ACP3: variants seen among roughly 807,000 people sequenced by gnomAD.
ACP3 encodes prostatic acid phosphatase.
Under a neutral mutation model 45.6 loss-of-function variants are expected in ACP3, and 38 were observed. That is an observed-to-expected ratio of 0.83 (90% CI 0.64 to 1.09). ACP3 has a LOEUF of 1.09. ACP3 is among the 50% of genes least tolerant of loss of function. The pLI is 0.00. For synonymous variants in ACP3, 162 were observed against 164.7 expected, an observed-to-expected ratio of 0.98 and a Z score of 0.13; for missense variants, 466 against 463.2, an observed-to-expected ratio of 1.01 and a Z score of -0.05.
intron 7 of ACP3, among the ~76,000 whole-genome samples, chr3:132,346,040 T>C (rs1176645207): frequency 6.6e-6 from 1 of 152,168 alleles, no homozygotes; most frequent in Non-Finnish European, 1.5e-5. Flanking sequence ...ATTTTGAGAT[T>C]AATACAATCA....
intron 6 of ACP3, among the ~76,000 whole-genome samples, chr3:132,344,179 G>A (rs1244607490): frequency 2.0e-5 from 3 of 151,724 alleles, no homozygotes; most frequent in Non-Finnish European, 2.9e-5. Flanking sequence ...TCGGGAGGCT[G>A]AGGCAAGAGA....
At chr3:132,331,986 A>G (rs1937406647) in intron 3 of ACP3, among the ~76,000 whole-genome samples, 1 of 152,208 alleles carries the variant, frequency 6.6e-6, no homozygotes, top group African/African-American at 2.4e-5. Context: ...TCATTTGTCA[A>G]TTCAACTATT....
At chr3:132,346,533 G>T (rs1435187991) in intron 7 of ACP3, among the ~76,000 whole-genome samples, 1 of 152,214 alleles carries the variant, frequency 6.6e-6, no homozygotes, top group Non-Finnish European at 1.5e-5. Context: ...CCAGAGAGGA[G>T]TCTTAGATGG....
intron 5 of ACP3, among the ~76,000 whole-genome samples, chr3:132,338,307 A>G (rs865854078): frequency 6.6e-6 from 1 of 151,178 alleles, no homozygotes; most frequent in Non-Finnish European, 1.5e-5. Context: ...TTAAGAAAAT[A>G]TATTGGAAAT....
intron 1 of ACP3, among the ~76,000 whole-genome samples, chr3:132,321,152 A>ATT (rs1423952626): frequency 6.6e-6 from 1 of 152,064 alleles, no homozygotes; most frequent in Non-Finnish European, 1.5e-5. Flanking sequence ...ACAACAGGGA[A>ATT]AAACCCTGTC....
At chr3:132,342,377 A>C (rs1937561752) in intron 5 of ACP3, among the ~76,000 whole-genome samples, 175 bp from the exon 6 acceptor site, 1 of 152,212 alleles carries the variant, frequency 6.6e-6, no homozygotes, top group Admixed American at 6.5e-5. Flanking sequence ...GGGTTATACA[A>C]GTGGGAGATT....
At chr3:132,339,821 A>G (rs1284481660) in intron 5 of ACP3, among the ~76,000 whole-genome samples, 1 of 151,432 alleles carries the variant, frequency 6.6e-6, no homozygotes, top group Non-Finnish European at 1.5e-5. Context: ...TTAAATTTTA[A>G]CTCCCTCCCC....
rs35270483 is a variant in ACP3 at position 132,352,361 on chromosome 3, CT to C, written c.865-343del. ...TACAGGCCCATGCCACCACACCCAG[CT>C]TTTTTTTTTTTTTTTAGTAGGGATG... is the stretch of plus-strand genomic sequence containing the variant. On this transcript the variant is annotated intron_variant, in intron 8 of 9. Transcript: ENST00000336375. Among the ~76,000 whole-genome samples, 1,305 of 135,584 alleles carry C rather than the reference CT, an allele frequency of 9.6e-3. 16 individuals carry two copies. Among genetic ancestry groups the C allele is most frequent in the African/African-American group, 0.031 (1,113 of 36,452 alleles). The allele number at this position is 135,584 out of a possible 152,430, so 88.9% of individuals were successfully genotyped here.
downstream of ACP3, among the ~76,000 whole-genome samples, chr3:132,359,448 C>T (rs1937997392): frequency 6.6e-6 from 1 of 152,076 alleles, no homozygotes; most frequent in African/African-American, 2.4e-5. Context: ...GCGGAACTTG[C>T]AGTGAGCCGA....
chr3:132,323,245 G>T (rs56158166), intron 1 of ACP3, among the ~76,000 whole-genome samples: 16,897 of 151,788 alleles, frequency 0.11, 1,142 homozygotes, highest in Non-Finnish European at 0.15. Context: ...GAAATGAGAA[G>T]ATTGGAAAGA....
chr3:132,363,615 A>G (rs564816467), downstream of ACP3, among the ~76,000 whole-genome samples: 1 of 152,212 alleles, frequency 6.6e-6, no homozygotes, highest in South Asian at 2.1e-4. Flanking sequence ...CCACCATCCT[A>G]TCTTTTCCAC....
At chr3:132,329,750 T>C (rs1028912109) in intron 2 of ACP3, among the ~76,000 whole-genome samples, 1 of 152,120 alleles carries the variant, frequency 6.6e-6, no homozygotes. Context: ...AATGAATCAC[T>C]TGGGAATCTT....
In ACP3 at chr3:132,352,731, T is replaced by G. The variant is rs576119547; in HGVS notation, c.876T>G (p.Thr292=). 2 of 1,612,130 alleles carry G rather than the reference T, an allele frequency of 1.2e-6. No homozygotes were observed. Among genetic ancestry groups the G allele is most frequent in the African/African-American group, 2.7e-5 (2 of 75,002 alleles). ...KLIMYSAHDT[T]VSGLQMALDV... ...TTCAATCTCTGTAGCATGACACTAC[T>G]GTGAGTGGCCTACAGATGGCGCTAG... Residue 292 remains threonine (T), a synonymous_variant, in exon 9 of 10, where the codon ACT becomes ACG. Transcript: ENST00000336375.
intron 1 of ACP3, among the ~76,000 whole-genome samples, chr3:132,321,155 A>AC (rs1937200623): frequency 6.6e-6 from 1 of 151,580 alleles, no homozygotes; most frequent in South Asian, 2.1e-4. Context: ...ACAGGGAAAA[A>AC]CCCTGTCGCT....
chr3:132,359,246 C>G (rs1042322682), downstream of ACP3, among the ~76,000 whole-genome samples: 2 of 152,224 alleles, frequency 1.3e-5, no homozygotes, highest in Non-Finnish European at 2.9e-5. Flanking sequence ...GGCGAGGTGG[C>G]TCAGGCCTGT....
At chr3:132,346,798 G>A (rs1937614400) in intron 7 of ACP3, among the ~76,000 whole-genome samples, 1 of 152,162 alleles carries the variant, frequency 6.6e-6, no homozygotes, top group Non-Finnish European at 1.5e-5. Context: ...CAGGCACCTA[G>A]TCCCTCACAA....
chr3:132,358,994 T>G (rs970607984), downstream of ACP3: 2 of 687,332 alleles, frequency 2.9e-6, no homozygotes, highest in African/African-American at 3.9e-5. Context: ...TGTGGATGGC[T>G]CTGCCTCATC....
At chr3:132,350,214 T>C (rs1281334537) in intron 8 of ACP3, among the ~76,000 whole-genome samples, 2 of 152,098 alleles carry the variant, frequency 1.3e-5, no homozygotes, top group Non-Finnish European at 2.9e-5. Flanking sequence ...CTATACAAAA[T>C]GGGATGGAAA....
chr3:132,331,981 T>A (rs1361430723), intron 3 of ACP3, among the ~76,000 whole-genome samples: 1 of 152,232 alleles, frequency 6.6e-6, no homozygotes, highest in East Asian at 1.9e-4. Flanking sequence ...TGATCTCATT[T>A]GTCAATTCAA....
Sources: allele counts gnomAD v4.1 joint callset (sites outside exome capture counted in the v4.1 genomes callset), GRCh38; gene constraint gnomAD v4.1.1; transcripts MANE v1.5; gene names NCBI Gene and HGNC (gene_info 2026-07-23, HGNC 2026-07-21).